LRPPRC: variants seen among roughly 807,000 people sequenced by gnomAD.
The protein encoded by LRPPRC is leucine-rich PPR motif-containing protein, mitochondrial.
A neutral mutation model predicts 180.3 loss-of-function variants in LRPPRC; 120 were observed. The ratio of observed to expected loss-of-function variants is 0.67; its 90% CI spans 0.57 to 0.77. LRPPRC has a LOEUF of 0.77. LRPPRC is among the 30% of genes least tolerant of loss of function. The pLI, the probability that LRPPRC is intolerant of heterozygous loss-of-function variation, is 0.00. For missense variants in LRPPRC, 2,012 were observed against 1,657.2 expected, an observed-to-expected ratio of 1.21 and a Z score of -3.72; for synonymous variants, 723 against 600.0, an observed-to-expected ratio of 1.21 and a Z score of -3.00.
At chr2:43,916,589 A>C (rs1558932960) in intron 29 of LRPPRC, among the ~76,000 whole-genome samples, 1 of 152,242 alleles carries the variant, frequency 6.6e-6, no homozygotes, top group Non-Finnish European at 1.5e-5. Flanking sequence ...TTTTCAAAAA[A>C]TACTTTTAAT....
chr2:43,911,638 T>C (rs1184249615), intron 30 of LRPPRC, among the ~76,000 whole-genome samples: 2 of 148,932 alleles, frequency 1.3e-5, no homozygotes, highest in South Asian at 2.2e-4. Context: ...GTGATACTCC[T>C]GCCTCAGCCT....
intron 1 of LRPPRC, among the ~76,000 whole-genome samples, chr2:43,994,136 A>G (rs1674911801): frequency 6.6e-6 from 1 of 152,206 alleles, no homozygotes; most frequent in Non-Finnish European, 1.5e-5. Flanking sequence ...AAATAAGAGT[A>G]ATGGGCACAA....
At chr2:43,917,696 G>A (rs1671523523) in intron 29 of LRPPRC, among the ~76,000 whole-genome samples, 1 of 152,078 alleles carries the variant, frequency 6.6e-6, no homozygotes, top group African/African-American at 2.4e-5. Flanking sequence ...GTCTGAGGCA[G>A]GAAAATGGCG....
intron 23 of LRPPRC, among the ~76,000 whole-genome samples, chr2:43,939,880 G>A (rs948224312): frequency 2.0e-5 from 3 of 152,118 alleles, no homozygotes; most frequent in South Asian, 2.1e-4. Context: ...ACTGGAAGTC[G>A]GTGTTAAACA....
chr2:43,959,539 A>G (rs1327692456), intron 13 of LRPPRC, among the ~76,000 whole-genome samples: 1 of 152,200 alleles, frequency 6.6e-6, no homozygotes, highest in Non-Finnish European at 1.5e-5. Context: ...AGAAGATCTG[A>G]AAAACTGTCA....
chr2:43,931,902 T>G (rs938822772), intron 25 of LRPPRC, among the ~76,000 whole-genome samples: 2 of 151,926 alleles, frequency 1.3e-5, no homozygotes, highest in Admixed American at 6.6e-5. Context: ...CTCCTTCCTT[T>G]CCTTCTCAGT....
At chr2:43,954,877 G>C (rs1183138262) in intron 14 of LRPPRC, among the ~76,000 whole-genome samples, 1 of 152,052 alleles carries the variant, frequency 6.6e-6, no homozygotes, top group African/African-American at 2.4e-5. Flanking sequence ...ATGTAGTGTT[G>C]TTAAGTGAAA....
chr2:43,943,594 C>T, intron 23 of LRPPRC, 93 bp downstream of exon 23: 3 of 1,044,734 alleles, frequency 2.9e-6, no homozygotes, highest in South Asian at 1.3e-5. Context: ...CAAGGCTTCC[C>T]CATCATGAGG....
intron 16 of LRPPRC, among the ~76,000 whole-genome samples, chr2:43,948,913 A>C (rs777512923): frequency 2.2e-4 from 34 of 152,112 alleles, no homozygotes; most frequent in Non-Finnish European, 4.4e-4. Context: ...TTAGGGAAGC[A>C]CATAAAATTA....
At chr2:43,953,798 A>G (rs1045961310) in intron 14 of LRPPRC, among the ~76,000 whole-genome samples, 2 of 152,236 alleles carry the variant, frequency 1.3e-5, no homozygotes, top group Non-Finnish European at 2.9e-5. Context: ...CACTAAAAAC[A>G]AAACAAAGAC....
intron 1 of LRPPRC, among the ~76,000 whole-genome samples, chr2:43,992,798 AAAG>A (rs932119136): frequency 1.3e-5 from 2 of 152,014 alleles, no homozygotes; most frequent in East Asian, 1.9e-4. Context: ...GGAACAGATG[AAAG>A]AAGAAGGAGG....
intron 1 of LRPPRC, among the ~76,000 whole-genome samples, chr2:43,989,919 A>G: frequency 6.6e-6 from 1 of 152,170 alleles, no homozygotes; most frequent in Non-Finnish European, 1.5e-5. Context: ...CACTTTGAAA[A>G]TAATAAACAT....
At chr2:43,982,533 C>T (rs1674358759) in intron 1 of LRPPRC, 99 bp from the exon 2 acceptor site, 1 of 877,218 alleles carries the variant, frequency 1.1e-6, no homozygotes, top group Non-Finnish European at 1.9e-6. Context: ...TATTAAACAC[C>T]TAAAATCACA....
rs1673159405 is a variant in LRPPRC, at chr2:43,957,330, G to C, written c.1649+55C>G. The C allele has an allele frequency of 2.5e-6, 3 of 1,179,450 alleles. No individual in the cohort carries two copies. The East Asian group carries it at 7.0e-5, about 28-fold the overall frequency. 73.1% of individuals were successfully genotyped at this position (1,179,450 alleles called of 1,614,324 possible). A position where few individuals can be genotyped will look rare whatever the true frequency, so the allele number is the denominator to read the frequency against. On this transcript the variant is annotated intron_variant, in intron 14 of 37. Transcript: ENST00000260665. ...TTTTCCTCATGCAATAAGTCAAAAG[G>C]ACAGGAGAAATCAGTCCATGTTCAG...
chr2:43,990,669 A>G (rs1452837449), intron 1 of LRPPRC, among the ~76,000 whole-genome samples: 1 of 152,154 alleles, frequency 6.6e-6, no homozygotes, highest in Admixed American at 6.5e-5. Context: ...CTGCCATAAA[A>G]CAAATGGCAC....
At chr2:43,906,011 A>G (rs1457559568) in intron 30 of LRPPRC, among the ~76,000 whole-genome samples, 2 of 152,244 alleles carry the variant, frequency 1.3e-5, no homozygotes, top group Non-Finnish European at 2.9e-5. Flanking sequence ...CAAAAGAAAC[A>G]AAGTACAAGA....
chr2:43,981,574 T>C (rs561513478), intron 2 of LRPPRC, among the ~76,000 whole-genome samples: 1 of 151,970 alleles, frequency 6.6e-6, no homozygotes, highest in South Asian at 2.1e-4. Flanking sequence ...GGAGAGTTGC[T>C]TGAACCCGGG....
Position 43,911,893 on chromosome 2 carries a change from T to C in LRPPRC, c.3275+539A>G, listed in dbSNP as rs1403805718. Among the ~76,000 whole-genome samples the C allele has an allele frequency of 2.6e-5, 4 of 152,280 alleles. No individual in the cohort carries two copies. The East Asian group carries it at 7.7e-4, about 29-fold the overall frequency. ...GGAAACACAAATAAGATGTGTTCAG[T>C]ACCTATGTTTTCTCTACTTCACTCT... is the stretch of plus-strand genomic sequence containing the variant. On this transcript the variant is annotated intron_variant, in intron 30 of 37. Transcript: ENST00000260665.
At position 43,946,344 on chromosome 2, in the gene LRPPRC, C is replaced by T. The variant is rs182583657; in HGVS notation, c.2080-101G>A. The T allele has an allele frequency of 5.8e-5, 50 of 860,696 alleles. No individual in the cohort carries two copies. The African/African-American group carries it at 8.1e-4, about 14-fold the overall frequency. 53.3% of individuals were successfully genotyped at this position (860,696 alleles called of 1,614,324 possible). A position where few individuals can be genotyped will look rare whatever the true frequency, so the allele number is the denominator to read the frequency against. On this transcript the variant is annotated intron_variant, in intron 20 of 37. Coordinates refer to ENST00000260665, the MANE Select transcript of LRPPRC (RefSeq NM_133259.4). ...CAGAGTTTAGAAAAAGTTAATAGTA[C>T]TTTAAAAATAAATGGTTTCATGTTA... is the stretch of plus-strand genomic sequence containing the variant.
Sources: gnomAD v4.1 joint callset for allele counts (sites outside exome capture counted in the v4.1 genomes callset) on GRCh38, gnomAD v4.1.1 for gene constraint, MANE v1.5 for transcripts, NCBI Gene and HGNC (gene_info 2026-07-23, HGNC 2026-07-21) for gene names.